Variants in C12orf42 observed in about 807,000 individuals in gnomAD.
C12orf42 encodes the protein chromosome 12 open reading frame 42.
Under a neutral mutation model 21.6 loss-of-function variants are expected in C12orf42, and 25 were observed. The observed-to-expected ratio is 1.16, with a 90% CI of 0.84 to 1.62. The LOEUF (loss-of-function observed/expected upper bound fraction) is 1.62, where lower values mean the gene tolerates loss of function less well. Among genes scored for constraint, C12orf42 ranks in the 40% most tolerant of loss-of-function variants. The pLI is 0.00. For missense variants in C12orf42, 483 were observed against 459.3 expected (o/e 1.05, Z -0.47); for synonymous variants, 174 against 175.0 (o/e 0.99, Z 0.05).
chr12:103,274,020 C>G, intron 5 of C12orf42: 1 of 440,504 alleles, frequency 2.3e-6, no homozygotes. Flanking sequence ...TTTTTTAGTT[C>G]CTCTCTGCCT....
rs117879381 is a variant in C12orf42 at position 103,367,346 on chromosome 12, T to C, written c.259+1541A>G. On this transcript the variant is annotated intron_variant, in intron 4 of 5. Transcript: ENST00000548883. ...AAGGCTACAAATTGGGTTCAGTGTA[T>C]AATACTCTGATGATGGGTGCACCAA... 3.2e-3 allele frequency among the ~76,000 whole-genome samples: 487 copies of C among 151,116 alleles called. 4 individuals carry two copies. The highest frequency in any genetic ancestry group is 3.9e-3 in the Non-Finnish European group (262 of 67,810).
At chr12:103,158,562 C>A in the C12orf42 span, among the ~76,000 whole-genome samples, 1 of 152,054 alleles carries the variant, frequency 6.6e-6, no homozygotes, top group South Asian at 2.1e-4. Context: ...GATTCAATTT[C>A]ATCTTCTGCT....
At chr12:103,396,757 G>C (rs11111550) in intron 3 of C12orf42, 26,611 of 152,228 alleles carry the variant, frequency 0.17, 2,711 homozygotes, top group African/African-American at 0.29. Flanking sequence ...ACCTAGGAGG[G>C]AAGTGTGCTT....
chr12:103,086,463 T>C, the C12orf42 span, among the ~76,000 whole-genome samples: 1 of 150,496 alleles, frequency 6.6e-6, no homozygotes, highest in African/African-American at 2.4e-5. Context: ...AGAATCTGAG[T>C]ACTTAACTCT....
At chr12:103,221,875 C>A in the C12orf42 span, among the ~76,000 whole-genome samples, 1 of 152,174 alleles carries the variant, frequency 6.6e-6, no homozygotes, top group African/African-American at 2.4e-5. Flanking sequence ...CCAATTTTAA[C>A]CACCTTGAAG....
At chr12:103,294,583 G>GGAAGGAAGGAAA (rs1300203895) in intron 4 of C12orf42, among the ~76,000 whole-genome samples, 240 of 80,320 alleles carry the variant, frequency 3.0e-3, no homozygotes, top group African/African-American at 9.1e-3. Flanking sequence ...AAGGAAGGAA[G>GGAAGGAAGGAAA]GAAAGAAAGA....
chr12:103,523,410 G>A, the C12orf42 span, among the ~76,000 whole-genome samples: 2 of 151,606 alleles, frequency 1.3e-5, no homozygotes, highest in Non-Finnish European at 2.9e-5. Flanking sequence ...TAGTATCCTC[G>A]TTTAAAGGGT....
intron 2 of C12orf42, among the ~76,000 whole-genome samples, chr12:103,462,222 C>T (rs765924155): frequency 1.4e-5 from 2 of 148,030 alleles, no homozygotes; most frequent in Non-Finnish European, 3.0e-5. Flanking sequence ...ATTCTCCTGT[C>T]GCAACCTCCT....
At chr12:103,559,554 G>C in the C12orf42 span, 4 of 152,204 alleles carry the variant, frequency 2.6e-5, no homozygotes, top group Non-Finnish European at 4.4e-5. Context: ...GCACCAAAGA[G>C]AGTGTTTAAG....
chr12:103,508,476 A>G, the C12orf42 span, among the ~76,000 whole-genome samples: 1 of 152,178 alleles, frequency 6.6e-6, no homozygotes, highest in Non-Finnish European at 1.5e-5. Context: ...GTCCCAAGCC[A>G]AATTTGAATA....
intron 4 of C12orf42, among the ~76,000 whole-genome samples, chr12:103,339,170 T>G (rs1028578125): frequency 6.6e-6 from 1 of 152,194 alleles, no homozygotes; most frequent in Non-Finnish European, 1.5e-5. Flanking sequence ...GGATGACATA[T>G]TAAGAAACAT....
At chr12:103,250,875 T>C (rs917699675) in intron 10 of C12orf42, among the ~76,000 whole-genome samples, 1 of 96,346 alleles carries the variant, frequency 1.0e-5, no homozygotes, top group Admixed American at 9.3e-5. Flanking sequence ...CTTTTATCAC[T>C]GTGTGTGTGT....
intron 4 of C12orf42, among the ~76,000 whole-genome samples, chr12:103,291,577 C>T (rs974655919): frequency 3.9e-5 from 6 of 152,114 alleles, no homozygotes; most frequent in South Asian, 2.1e-4. Context: ...TTCTTAATCA[C>T]GTGCTAAATA....
chr12:103,219,674 T>C, the C12orf42 span, among the ~76,000 whole-genome samples: 9 of 152,354 alleles, frequency 5.9e-5, no homozygotes, highest in South Asian at 1.9e-3. Context: ...TCATCATCCC[T>C]GGCCATCAGA....
At chr12:103,268,499 T>C (rs199547222), downstream of C12orf42, 1 of 148,554 alleles carries the variant, frequency 6.7e-6, no homozygotes, top group Non-Finnish European at 1.5e-5. Flanking sequence ...AATTTTTCAT[T>C]AAAAAAAAAA....
the C12orf42 span, among the ~76,000 whole-genome samples, chr12:103,520,699 A>T: frequency 6.6e-6 from 1 of 152,228 alleles, no homozygotes; most frequent in Non-Finnish European, 1.5e-5. Context: ...TAATGAAAAA[A>T]AAAATAAAAC....
At chr12:103,261,745 AAT>A (rs1160045448) in intron 10 of C12orf42, among the ~76,000 whole-genome samples, 1 of 152,152 alleles carries the variant, frequency 6.6e-6, no homozygotes, top group Non-Finnish European at 1.5e-5. Flanking sequence ...TTGTTTCAGA[AAT>A]ATCTTAACAT....
intron 3 of C12orf42, among the ~76,000 whole-genome samples, chr12:103,390,269 T>A (rs901880856): frequency 6.6e-6 from 1 of 152,208 alleles, no homozygotes; most frequent in African/African-American, 2.4e-5. Context: ...GCGTTTTACC[T>A]CATTTAATCT....
intron 1 of C12orf42, among the ~76,000 whole-genome samples, chr12:103,492,581 C>T (rs1332317085): frequency 6.6e-6 from 1 of 152,182 alleles, no homozygotes; most frequent in Non-Finnish European, 1.5e-5. Flanking sequence ...CTTTCTCCAG[C>T]TCATGACTTT....
Sources: allele counts gnomAD v4.1 joint callset (sites outside exome capture counted in the v4.1 genomes callset), GRCh38; gene constraint gnomAD v4.1.1; transcripts MANE v1.5; gene names NCBI Gene and HGNC (gene_info 2026-07-23, HGNC 2026-07-21).